The following GPHN variants were observed in gnomAD, a reference collection of about 807,000 sequenced individuals.
The protein encoded by GPHN is gephyrin.
GPHN carries 17 observed loss-of-function variants against 95.5 expected under a neutral mutation model. The ratio of observed to expected loss-of-function variants is 0.18; its 90% CI spans 0.12 to 0.27. The LOEUF (loss-of-function observed/expected upper bound fraction) is 0.27. Among genes scored for constraint, GPHN ranks in the 10% least tolerant of loss-of-function variants. GPHN has a pLI of 1.00. For synonymous variants in GPHN, 320 were observed against 322.5 expected (o/e 0.99, Z 0.08); for missense variants, 660 against 978.1 (o/e 0.67, Z 4.34).
chr14:66,982,385 T>G (rs1406577986), intron 9 of GPHN, among the ~76,000 whole-genome samples: 1 of 152,150 alleles, frequency 6.6e-6, no homozygotes, highest in Non-Finnish European at 1.5e-5. Context: ...AATGTCAAAG[T>G]CATTTTACTA....
chr14:67,651,068 A>G, the GPHN span: 3 of 1,047,682 alleles, frequency 2.9e-6, no homozygotes, highest in Non-Finnish European at 4.1e-6. Flanking sequence ...TTTCCCCTCT[A>G]TTTTGGTGAC....
At chr14:67,422,826 CTTTTTTTTTTTT>C in the GPHN span, among the ~76,000 whole-genome samples, 1 of 115,854 alleles carries the variant, frequency 8.6e-6, no homozygotes, top group Admixed American at 9.0e-5. Flanking sequence ...CTTTCCCCAT[CTTTTTTTTTTTT>C]TTTTTTTTTT....
chr14:67,243,130 CAG>C, the GPHN span, among the ~76,000 whole-genome samples: 1 of 151,894 alleles, frequency 6.6e-6, no homozygotes, highest in African/African-American at 2.4e-5. Flanking sequence ...TTTCTGATTT[CAG>C]AGTGTCTAGA....
At chr14:67,461,807 TG>T in the GPHN span, among the ~76,000 whole-genome samples, 3 of 152,230 alleles carry the variant, frequency 2.0e-5, no homozygotes, top group Non-Finnish European at 2.9e-5. Flanking sequence ...GAGAACAGAT[TG>T]AGTGAAAGTC....
the GPHN span, chr14:67,727,966 C>T: frequency 2.0e-5 from 3 of 152,224 alleles, no homozygotes; most frequent in South Asian, 4.1e-4. Context: ...GATTTCAGAC[C>T]CCTGGGTCCA....
At chr14:67,209,313 A>G in the GPHN span, among the ~76,000 whole-genome samples, 2 of 152,128 alleles carry the variant, frequency 1.3e-5, no homozygotes, top group Non-Finnish European at 2.9e-5. Context: ...AAAAAGAGAG[A>G]GAGAGAATAG....
At chr14:66,605,463 T>A (rs1478284953) in intron 1 of GPHN, among the ~76,000 whole-genome samples, 4 of 152,164 alleles carry the variant, frequency 2.6e-5, no homozygotes, top group African/African-American at 9.6e-5. Context: ...ATGATGAACA[T>A]TTTTCATTTA....
At chr14:66,551,606 G>T (rs774380940) in intron 1 of GPHN, among the ~76,000 whole-genome samples, 51 of 152,076 alleles carry the variant, frequency 3.4e-4, no homozygotes, top group Admixed American at 1.6e-3. Context: ...ATTCTTGCAC[G>T]GCTATAAAGA....
chr14:67,222,081 G>A, the GPHN span: 2 of 382,132 alleles, frequency 5.2e-6, no homozygotes, highest in East Asian at 8.9e-5. Flanking sequence ...CCAGTTCCCT[G>A]TATCTAAATC....
chr14:66,725,362 A>G (rs545263214), intron 2 of GPHN, among the ~76,000 whole-genome samples: 1 of 152,278 alleles, frequency 6.6e-6, no homozygotes, highest in African/African-American at 2.4e-5. Flanking sequence ...TTTAGTTCTA[A>G]TCTTTTTTTC....
chr14:67,081,687 G>C (rs987302164), intron 11 of GPHN, among the ~76,000 whole-genome samples: 8 of 152,182 alleles, frequency 5.3e-5, no homozygotes, highest in African/African-American at 1.7e-4. Context: ...CCAATGTCTA[G>C]AAGGGTTTTT....
At chr14:67,383,884 A>T in the GPHN span, 1 of 217,322 alleles carries the variant, frequency 4.6e-6, no homozygotes, top group East Asian at 1.2e-4. Flanking sequence ...CCTTCTTGTC[A>T]CCAGTTAAAA....
At chr14:66,976,508 T>C (rs938240169) in intron 9 of GPHN, among the ~76,000 whole-genome samples, 2 of 152,172 alleles carry the variant, frequency 1.3e-5, no homozygotes, top group African/African-American at 4.8e-5. Context: ...CATAGTAAAC[T>C]ATCCTCTGGA....
the GPHN span, among the ~76,000 whole-genome samples, chr14:67,318,931 G>A: frequency 6.6e-6 from 1 of 152,090 alleles, no homozygotes; most frequent in African/African-American, 2.4e-5. Flanking sequence ...GATGGCGGGT[G>A]CCTGTAGTCC....
At chr14:67,236,345 T>G in the GPHN span, among the ~76,000 whole-genome samples, 1 of 152,228 alleles carries the variant, frequency 6.6e-6, no homozygotes, top group African/African-American at 2.4e-5. Context: ...GCACCTTCAC[T>G]AGATAGTAAA....
chr14:67,598,257 C>A, the GPHN span, among the ~76,000 whole-genome samples: 1 of 152,204 alleles, frequency 6.6e-6, no homozygotes, highest in East Asian at 1.9e-4. Context: ...AAGGAAGATG[C>A]GGTCACTGAT....
At chr14:67,394,191 C>T in the GPHN span, among the ~76,000 whole-genome samples, 2 of 152,192 alleles carry the variant, frequency 1.3e-5, no homozygotes, top group African/African-American at 4.8e-5. Context: ...GCCAGACACA[C>T]ACTGCTTTTG....
intron 2 of GPHN, among the ~76,000 whole-genome samples, chr14:66,689,483 A>G (rs117041015): frequency 0.013 from 2,001 of 152,198 alleles, 29 homozygotes; most frequent in Non-Finnish European, 0.019. Context: ...TTTTGCTTCT[A>G]TGTTCATCAG....
the GPHN span, chr14:67,533,747 C>T: frequency 6.6e-6 from 1 of 152,224 alleles, no homozygotes; most frequent in African/African-American, 2.4e-5. Context: ...CTTCCCGCAC[C>T]CCTCCCCATC....
Sources: allele counts gnomAD v4.1 joint callset (sites outside exome capture counted in the v4.1 genomes callset), GRCh38; gene constraint gnomAD v4.1.1; transcripts MANE v1.5; gene names NCBI Gene and HGNC (gene_info 2026-07-23, HGNC 2026-07-21).